Variants in OSGIN2 observed in about 807,000 individuals in gnomAD.
OSGIN2 encodes the protein oxidative stress induced growth inhibitor family member 2.
OSGIN2 carries 19 observed loss-of-function variants against 53.8 expected under a neutral mutation model. The observed-to-expected ratio is 0.35, with a 90% CI of 0.25 to 0.52. The LOEUF (loss-of-function observed/expected upper bound fraction) is 0.52. OSGIN2 is among the 20% of genes least tolerant of loss of function. The pLI, the probability that OSGIN2 is intolerant of heterozygous loss-of-function variation, is 0.95. For missense variants in OSGIN2, 520 were observed against 662.7 expected (o/e 0.78, Z 2.36); for synonymous variants, 236 against 236.0 (o/e 1.00, Z 0.00).
chr8:89,914,255 T>G (rs1187022691), intron 3 of OSGIN2, 42 bp downstream of exon 3: 1 of 1,423,380 alleles, frequency 7.0e-7, no homozygotes, highest in African/African-American at 1.5e-5. Flanking sequence ...TTTTTTATGC[T>G]GAAACAAGAT....
chr8:89,917,744 C>T (rs1809111204), intron 4 of OSGIN2, among the ~76,000 whole-genome samples: 1 of 152,114 alleles, frequency 6.6e-6, no homozygotes, highest in African/African-American at 2.4e-5. Flanking sequence ...ATTTCACACT[C>T]AAACCGAAAA....
chr8:89,903,645 A>T (rs1010842483), intron 1 of OSGIN2, among the ~76,000 whole-genome samples: 1 of 152,262 alleles, frequency 6.6e-6, no homozygotes, highest in Admixed American at 6.5e-5. Flanking sequence ...TAGGTAACCC[A>T]TGAACTTGGA....
chr8:89,909,533 A>G, intron 1 of OSGIN2, 34 bp from the exon 2 acceptor site: 1 of 1,224,396 alleles, frequency 8.2e-7, no homozygotes, highest in Non-Finnish European at 1.1e-6. Context: ...TATTGACTAT[A>G]TCTCTTTTTA....
intron 4 of OSGIN2, among the ~76,000 whole-genome samples, chr8:89,918,753 G>C (rs1269579403): frequency 1.3e-5 from 2 of 152,054 alleles, no homozygotes; most frequent in East Asian, 1.9e-4. Flanking sequence ...TCATTAAATG[G>C]CATTCTCATG....
rs779444129 is a variant in OSGIN2, at chr8:89,925,489, A to C, written c.1607A>C (p.Lys536Thr). ...TRCLATRQKK[K>T]HLFVERGGGD... ...TGTTTAGCTACAAGACAGAAGAAAAAGCATTTGTTTGTTGAAAGAGGAGGA... is the reference window on the plus strand; with the variant it reads ...TGTTTAGCTACAAGACAGAAGAAAACGCATTTGTTTGTTGAAAGAGGAGGA... Residue 536 changes from lysine to threonine, a missense_variant, in exon 6 of 6, where the codon AAG (lysine) becomes ACG (threonine). By Grantham distance (78) the Lys-to-Thr change is moderately conservative. Coordinates refer to ENST00000451899, the MANE Select transcript of OSGIN2 (RefSeq NM_001126111.3). The C allele has an allele frequency of 6.8e-6, 11 of 1,613,916 alleles. No individual in the cohort carries two copies. Among genetic ancestry groups the C allele is most frequent in the Admixed American group, 3.3e-5 (2 of 59,992 alleles).
Position 89,925,245 on chromosome 8 carries a change from G to T in OSGIN2, c.1363G>T (p.Val455Leu). The change falls in exon 6 of 6, where the codon GTA becomes TTA. Residue 455 changes from valine to leucine, a missense_variant. By Grantham distance (32) the Val-to-Leu change is conservative. Transcript: ENST00000451899. ...KKIFKLSAAV[V>L]LIGSHPNLSF... is the part of the protein sequence containing the mutation. Reference sequence around the variant, plus strand: ...AATATTTAAGCTGTCTGCAGCAGTAGTATTGATAGGTTCTCATCCTAATCT... The same window carrying T: ...AATATTTAAGCTGTCTGCAGCAGTATTATTGATAGGTTCTCATCCTAATCT... 3.1e-6 allele frequency: 5 copies of T among 1,614,170 alleles called. No individual in the cohort carries two copies. The highest frequency in any genetic ancestry group is 4.2e-6 in the Non-Finnish European group (5 of 1,180,018).
chr8:89,919,309 G>C (rs1003779433), intron 4 of OSGIN2, among the ~76,000 whole-genome samples: 2 of 152,144 alleles, frequency 1.3e-5, no homozygotes, highest in African/African-American at 2.4e-5. Flanking sequence ...AATGGGAAAA[G>C]GTTCACAGGG....
Position 89,925,555 on chromosome 8 carries a change from A to C in OSGIN2, c.*23A>C. ...TAAAGCAAGTTTACAAGTAATTAAA[A>C]TGGACAGTTTGCCATTAAAGATTTT... is the stretch of plus-strand genomic sequence containing the variant. On this transcript the variant is annotated 3_prime_UTR_variant, in exon 6 of 6. Transcript: ENST00000451899. 1.9e-6 allele frequency: 3 copies of C among 1,582,364 alleles called. No individual in the cohort carries two copies. Among genetic ancestry groups the C allele is most frequent in the Non-Finnish European group, 2.6e-6 (3 of 1,157,444 alleles).
chr8:89,925,138 A>G lies in OSGIN2; in HGVS notation c.1256A>G (p.Tyr419Cys), dbSNP rs370154522. Residue 419 changes from tyrosine (Y) to cysteine (C), a missense_variant, in exon 6 of 6, where the codon TAT becomes TGT. Physicochemically the swap from Tyr to Cys is radical, Grantham distance 194. Coordinates refer to ENST00000451899, the MANE Select transcript of OSGIN2 (RefSeq NM_001126111.3). ...GTAGACTCAAATCTTTTATCTGATT[A>G]TACCAGCTTTCCCGAGCACCGTGTG... ...YSVDSNLLSDYTSFPEHRVLS... is the reference protein window; with the variant it reads ...YSVDSNLLSDCTSFPEHRVLS... 1.9e-6 allele frequency: 3 copies of G among 1,614,018 alleles called. No individual in the cohort carries two copies. The highest frequency in any genetic ancestry group is 2.5e-6 in the Non-Finnish European group (3 of 1,179,976).
At chr8:89,908,413 A>G (rs1173911273) in intron 1 of OSGIN2, among the ~76,000 whole-genome samples, 1 of 152,146 alleles carries the variant, frequency 6.6e-6, no homozygotes, top group Non-Finnish European at 1.5e-5. Flanking sequence ...GTAGACTGGG[A>G]ACTCTGAAGG....
intron 1 of OSGIN2, 142 bp downstream of exon 1, chr8:89,902,979 G>A (rs1427527475): frequency 7.9e-6 from 3 of 381,082 alleles, no homozygotes; most frequent in Non-Finnish European, 1.3e-5. Flanking sequence ...CCTGCCTGGC[G>A]TGGGGGTGGG....
chr8:89,915,064 C>T (rs1809049115), intron 4 of OSGIN2, among the ~76,000 whole-genome samples: 1 of 152,176 alleles, frequency 6.6e-6, no homozygotes, highest in Admixed American at 6.5e-5. Context: ...TACATAATCT[C>T]ACATAGTATT....
chr8:89,907,228 T>TA (rs1265973432), intron 1 of OSGIN2, among the ~76,000 whole-genome samples: 1 of 152,224 alleles, frequency 6.6e-6, no homozygotes, highest in Non-Finnish European at 1.5e-5. Flanking sequence ...ACTCTGTTGA[T>TA]AGTTTCTTTT....
At position 89,926,468 on chromosome 8, in the gene OSGIN2, G is replaced by A. The variant is rs1809336102; in HGVS notation, c.*936G>A. The A allele has an allele frequency of 1.3e-5, 2 of 152,562 alleles. No individual in the cohort carries two copies. Among genetic ancestry groups the A allele is most frequent in the Non-Finnish European group, 2.9e-5 (2 of 68,006 alleles). 9.5% of individuals were successfully genotyped at this position (152,562 alleles called of 1,614,324 possible). ...GGTATTTGGGTGTGGTAAGTACTTC[G>A]AAAATTGTAATACTGTTTGGGCATT... is the stretch of plus-strand genomic sequence containing the variant. On this transcript the variant is annotated 3_prime_UTR_variant, in exon 6 of 6. Coordinates refer to ENST00000451899, the MANE Select transcript of OSGIN2 (RefSeq NM_001126111.3).
At chr8:89,911,640 A>G (rs948294062) in intron 2 of OSGIN2, among the ~76,000 whole-genome samples, 23 of 149,406 alleles carry the variant, frequency 1.5e-4, no homozygotes, top group African/African-American at 2.8e-4. Context: ...AAAAAAAAAA[A>G]AAAAGAAAAG....
chr8:89,907,207 G>A (rs1345355543), intron 1 of OSGIN2, among the ~76,000 whole-genome samples: 5 of 152,076 alleles, frequency 3.3e-5, no homozygotes, highest in African/African-American at 1.2e-4. Flanking sequence ...CATTCTGTTG[G>A]TTGTCTGTTT....
At position 89,909,587 on chromosome 8, in the gene OSGIN2, C is replaced by G; in HGVS notation, c.65C>G (p.Thr22Ser). Reference sequence around the variant, plus strand: ...TAAAGAAACTATAGTGACACTGAAACTGAAGGAGAGATTTTTAATTCCTTA... The same window carrying G: ...TAAAGAAACTATAGTGACACTGAAAGTGAAGGAGAGATTTTTAATTCCTTA... ...GHFRNYSDTE[T>S]EGEIFNSLVQ... The change falls in exon 2 of 6, where the codon ACT (threonine) becomes AGT (serine). Residue 22 changes from threonine (T) to serine (S), a missense_variant. Physicochemically the swap from Thr to Ser is moderately conservative, Grantham distance 58 (BLOSUM62 1). Transcript: ENST00000451899. The G allele has an allele frequency of 6.4e-7, 1 of 1,555,402 alleles. No homozygotes were observed. The highest frequency in any genetic ancestry group is 8.7e-7 in the Non-Finnish European group (1 of 1,144,604).
At chr8:89,921,627 G>A (rs1809206146) in intron 5 of OSGIN2, among the ~76,000 whole-genome samples, 1 of 152,110 alleles carries the variant, frequency 6.6e-6, no homozygotes, top group Admixed American at 6.6e-5. Flanking sequence ...GGATAAGCTA[G>A]AATCTGGCTT....
At chr8:89,923,851 C>A (rs1481980882) in intron 5 of OSGIN2, among the ~76,000 whole-genome samples, 4 of 152,110 alleles carry the variant, frequency 2.6e-5, no homozygotes, top group Non-Finnish European at 5.9e-5. Context: ...TTGCTTGTTG[C>A]TTTGAACTTT....
Sources: gnomAD v4.1 joint callset for allele counts (sites outside exome capture counted in the v4.1 genomes callset) on GRCh38, gnomAD v4.1.1 for gene constraint, MANE v1.5 for transcripts, NCBI Gene and HGNC (gene_info 2026-07-23, HGNC 2026-07-21) for gene names.